Variants in ASIC2 observed in about 807,000 individuals in gnomAD.
ASIC2 encodes acid sensing ion channel subunit 2.
In ASIC2, 25 loss-of-function variants were observed where a neutral mutation model predicts 57.3. The ratio of observed to expected loss-of-function variants is 0.44; its 90% CI spans 0.32 to 0.61. The LOEUF (loss-of-function observed/expected upper bound fraction) is 0.61. ASIC2 is among the 20% of genes least tolerant of loss of function. ASIC2 has a pLI of 0.06. For synonymous variants in ASIC2, 319 were observed against 307.5 expected (o/e 1.04, Z -0.39); for missense variants, 641 against 738.1 (o/e 0.87, Z 1.52).
chr17:33,409,815 C>T (rs6505340), intron 1 of ASIC2, among the ~76,000 whole-genome samples: 53,682 of 151,788 alleles, frequency 0.35, 9,546 homozygotes, highest in South Asian at 0.4. Context: ...TCCTCCAGGA[C>T]CCCAGCCCAG....
At chr17:33,984,469 AG>A (rs1316820935) in intron 1 of ASIC2, 1 of 152,238 alleles carries the variant, frequency 6.6e-6, no homozygotes, top group Admixed American at 6.5e-5. Flanking sequence ...AGCAATTTTT[AG>A]GTCTCCTAGT....
chr17:33,115,458 T>C (rs1472078291), intron 1 of ASIC2, among the ~76,000 whole-genome samples: 2 of 152,158 alleles, frequency 1.3e-5, no homozygotes, highest in Admixed American at 1.3e-4. Context: ...CCTGACACAC[T>C]TTCTCCCTGC....
At chr17:33,748,043 C>T (rs1381855444) in intron 1 of ASIC2, among the ~76,000 whole-genome samples, 1 of 152,250 alleles carries the variant, frequency 6.6e-6, no homozygotes, top group East Asian at 1.9e-4. Flanking sequence ...GAAGTCAAGG[C>T]TTGCGAAGGT....
chr17:33,850,254 C>T (rs1416041855), intron 1 of ASIC2, among the ~76,000 whole-genome samples: 1 of 152,114 alleles, frequency 6.6e-6, no homozygotes, highest in Admixed American at 6.6e-5. Context: ...CATTTCCTCT[C>T]CTTAAACTGC....
chr17:33,403,363 C>T (rs9914451), intron 1 of ASIC2, among the ~76,000 whole-genome samples: 146,010 of 152,306 alleles, frequency 0.96, 70,033 homozygotes, highest in East Asian at 0.99. Flanking sequence ...GAATTACTTT[C>T]CCATTAACAT....
rs562274283 is a variant in ASIC2 at position 33,382,473 on chromosome 17, A to T, written c.556-270406T>A. On this transcript the variant is annotated intron_variant, in intron 1 of 9. Coordinates refer to the ASIC2 transcript ENST00000359872. ...CACAGCAGGAGGCTGCATCAAAAGCAGTATCTCTTATGCTACAAACACAAG... is the reference window on the plus strand; with the variant it reads ...CACAGCAGGAGGCTGCATCAAAAGCTGTATCTCTTATGCTACAAACACAAG... Among the ~76,000 whole-genome samples, 4 of 152,332 alleles carry T rather than the reference A, an allele frequency of 2.6e-5. No individual in the cohort carries two copies. The South Asian group carries it at 8.3e-4, about 32-fold the overall frequency.
At chr17:33,789,503 C>T (rs1045338010) in intron 1 of ASIC2, among the ~76,000 whole-genome samples, 10 of 151,452 alleles carry the variant, frequency 6.6e-5, no homozygotes, top group South Asian at 2.1e-4. Flanking sequence ...CACACACACA[C>T]GTGCAGCATT....
At chr17:33,264,830 A>G (rs969092879) in intron 1 of ASIC2, among the ~76,000 whole-genome samples, 1 of 152,234 alleles carries the variant, frequency 6.6e-6, no homozygotes, top group South Asian at 2.1e-4. Flanking sequence ...CTAGGGTTCA[A>G]ACAGTTACAG....
At chr17:33,269,685 T>TTC (rs1904391222) in intron 1 of ASIC2, among the ~76,000 whole-genome samples, 2 of 68,480 alleles carry the variant, frequency 2.9e-5, no homozygotes, top group African/African-American at 5.6e-5. Context: ...CCTCCCTCCC[T>TTC]CCTGCCTGCC....
rs192898850 is a variant in ASIC2 at position 33,670,219 on chromosome 17, T to C, written c.555+485759A>G. Among the ~76,000 whole-genome samples, 344 of 152,240 alleles carry C rather than the reference T, an allele frequency of 2.3e-3. 1 individual carries two copies. The highest frequency in any genetic ancestry group is 6.8e-3 in the Middle Eastern group (2 of 294). On this transcript the variant is annotated intron_variant, in intron 1 of 9. Coordinates refer to the ASIC2 transcript ENST00000359872. ...CACCCTGCAAATGTTCTGTACTGCA[T>C]AGGAGGCCTCCCAGGAATTCTGGAT...
chr17:33,541,083 A>T (rs529105670), intron 1 of ASIC2, among the ~76,000 whole-genome samples: 1 of 152,158 alleles, frequency 6.6e-6, no homozygotes, highest in Non-Finnish European at 1.5e-5. Flanking sequence ...AGGGAAAAAA[A>T]ATCAATGACT....
intron 1 of ASIC2, among the ~76,000 whole-genome samples, chr17:34,033,797 T>C (rs1907736016): frequency 6.6e-6 from 1 of 152,140 alleles, no homozygotes; most frequent in Admixed American, 6.5e-5. Flanking sequence ...ACATACATCC[T>C]CCCAAGACTA....
At chr17:33,573,864 C>G (rs373762045) in intron 1 of ASIC2, among the ~76,000 whole-genome samples, 45 of 152,212 alleles carry the variant, frequency 3.0e-4, no homozygotes, top group Admixed American at 6.5e-4. Flanking sequence ...ACACACGCAG[C>G]CTGCCTGCTT....
chr17:33,085,473 C>T (rs1347775731), intron 3 of ASIC2, among the ~76,000 whole-genome samples: 1 of 152,234 alleles, frequency 6.6e-6, no homozygotes, highest in Non-Finnish European at 1.5e-5. Context: ...TGCATACTCA[C>T]AGAATGAGAG....
chr17:33,037,763 A>G (rs940100854), intron 3 of ASIC2, among the ~76,000 whole-genome samples: 1 of 152,304 alleles, frequency 6.6e-6, no homozygotes, highest in East Asian at 1.9e-4. Flanking sequence ...GCACTGTGGT[A>G]GGTAGGCACA....
intron 1 of ASIC2, among the ~76,000 whole-genome samples, chr17:33,505,259 A>T (rs1914214946): frequency 6.6e-6 from 1 of 152,028 alleles, no homozygotes; most frequent in African/African-American, 2.4e-5. Flanking sequence ...AGTGACTGGG[A>T]GAACAGAGGC....
chr17:33,036,306 T>G (rs536619825), intron 3 of ASIC2, among the ~76,000 whole-genome samples: 1 of 152,058 alleles, frequency 6.6e-6, no homozygotes, highest in South Asian at 2.1e-4. Flanking sequence ...AGGGGCAGAG[T>G]CAGCAGATTT....
intron 1 of ASIC2, among the ~76,000 whole-genome samples, chr17:33,411,023 A>G (rs2141964725): frequency 6.6e-6 from 1 of 152,358 alleles, no homozygotes; most frequent in East Asian, 1.9e-4. Flanking sequence ...ATGAAGGATA[A>G]GCCAATGAAT....
intron 1 of ASIC2, chr17:34,005,284 A>T (rs1308405011): frequency 1.3e-5 from 2 of 152,172 alleles, no homozygotes; most frequent in Admixed American, 1.3e-4. Context: ...CTGGTGCTGG[A>T]CACACTGCCA....
Sources: allele counts gnomAD v4.1 joint callset (sites outside exome capture counted in the v4.1 genomes callset), GRCh38; gene constraint gnomAD v4.1.1; transcripts MANE v1.5; gene names NCBI Gene and HGNC (gene_info 2026-07-23, HGNC 2026-07-21).